Variants in ZNF423 observed in about 807,000 individuals in gnomAD.
ZNF423 encodes the protein zinc finger protein 423.
A neutral mutation model predicts 95.8 loss-of-function variants in ZNF423; 12 were observed. The observed-to-expected ratio is 0.13, with a 90% CI of 0.08 to 0.20. ZNF423 has a LOEUF of 0.20. Ranked by LOEUF, ZNF423 falls within the 10% of genes least tolerant of loss-of-function variation. The probability of loss-of-function intolerance (pLI) is 1.00; values close to 1 mark genes in which losing one functional copy is unlikely to be tolerated. For synonymous variants in ZNF423, 749 were observed against 711.9 expected (o/e 1.05, Z -0.83); for missense variants, 1,316 against 1,737.1 (o/e 0.76, Z 4.31).
At chr16:49,595,541 A>G (rs1167735772) in intron 5 of ZNF423, among the ~76,000 whole-genome samples, 1 of 152,204 alleles carries the variant, frequency 6.6e-6, no homozygotes, top group Non-Finnish European at 1.5e-5. Flanking sequence ...ATTCTATTTT[A>G]AAAAATAAAG....
intron 5 of ZNF423, among the ~76,000 whole-genome samples, chr16:49,526,671 A>G (rs1457563345): frequency 6.6e-6 from 1 of 152,074 alleles, no homozygotes; most frequent in Non-Finnish European, 1.5e-5. Flanking sequence ...GCTTCACATC[A>G]CCTGGGGTTG....
At chr16:49,500,542 G>C (rs1246823140) in intron 7 of ZNF423, among the ~76,000 whole-genome samples, 1 of 152,188 alleles carries the variant, frequency 6.6e-6, no homozygotes, top group Non-Finnish European at 1.5e-5. Context: ...ATCTGATGCT[G>C]CTGGGCCAGG....
At chr16:49,499,840 A>T (rs1037613669) in intron 7 of ZNF423, among the ~76,000 whole-genome samples, 1 of 152,182 alleles carries the variant, frequency 6.6e-6, no homozygotes, top group African/African-American at 2.4e-5. Context: ...AAAACCCACC[A>T]GGGGATAGAT....
At chr16:49,624,242 T>C (rs974501123) in intron 5 of ZNF423, among the ~76,000 whole-genome samples, 10 of 152,120 alleles carry the variant, frequency 6.6e-5, no homozygotes, top group Non-Finnish European at 2.9e-5. Context: ...ATCACATACA[T>C]ATGTTCATCA....
rs1290446039 is a variant in ZNF423, at chr16:49,638,468, C to T, written c.708G>A (p.Lys236=). ...SSKPFKCTVC[K]RGFSSTSSLQ... ...GCGAGCTGGTGGAGGAGAAGCCGCG[C>T]TTGCACACAGTGCACTTGAAGGGCT... Residue 236 remains lysine, a synonymous_variant, in exon 4 of 8, where the codon AAG becomes AAA. Transcript: ENST00000563137. This position sits in a 1 kb window ranked among gnomAD's most constrained non-coding sequence, Gnocchi z 5.6. 6.8e-6 allele frequency: 11 copies of T among 1,613,830 alleles called. No homozygotes were observed. The highest frequency in any genetic ancestry group is 1.6e-4 in the Middle Eastern group (1 of 6,084).
chr16:49,502,749 C>CACACACCACTCTATATGCAT (rs910729682), intron 7 of ZNF423, among the ~76,000 whole-genome samples: 15 of 151,830 alleles, frequency 9.9e-5, no homozygotes, highest in Non-Finnish European at 7.4e-5. Flanking sequence ...TATTACTGTG[C>CACACACCACTCTATATGCAT]ACACACCACT....
chr16:49,690,515 C>T (rs962494625), intron 3 of ZNF423, among the ~76,000 whole-genome samples: 3 of 152,236 alleles, frequency 2.0e-5, no homozygotes. Flanking sequence ...GACCAAAACT[C>T]TATCTCTAAA....
chr16:49,643,261 C>T (rs1973043089), intron 3 of ZNF423, among the ~76,000 whole-genome samples: 1 of 152,118 alleles, frequency 6.6e-6, no homozygotes, highest in Non-Finnish European at 1.5e-5. Context: ...AAGGTGGGTT[C>T]AAGGAAAGTC....
intron 7 of ZNF423, among the ~76,000 whole-genome samples, chr16:49,510,741 G>A (rs1967853812): frequency 1.3e-5 from 2 of 152,236 alleles, no homozygotes; most frequent in South Asian, 4.1e-4. Context: ...GCAAACCTCT[G>A]TGGATGTGGA....
chr16:49,817,836 C>T (rs2034880580), intron 1 of ZNF423, among the ~76,000 whole-genome samples: 1 of 152,072 alleles, frequency 6.6e-6, no homozygotes, highest in Non-Finnish European at 1.5e-5. Flanking sequence ...GTGGTTAGCT[C>T]CATTTTATCA....
chr16:49,648,470 C>T (rs561364096), intron 3 of ZNF423, among the ~76,000 whole-genome samples: 5 of 152,112 alleles, frequency 3.3e-5, no homozygotes, highest in Admixed American at 6.5e-5. Context: ...GGAGAAACCC[C>T]GTCTCTACTA....
chr16:49,756,013 T>C (rs545897962), intron 2 of ZNF423, among the ~76,000 whole-genome samples: 1 of 152,108 alleles, frequency 6.6e-6, no homozygotes, highest in Non-Finnish European at 1.5e-5. Context: ...GAAAGAATGA[T>C]GCAGGGGCCA....
At chr16:49,716,623 C>T (rs2032714995) in intron 3 of ZNF423, among the ~76,000 whole-genome samples, 2 of 152,182 alleles carry the variant, frequency 1.3e-5, no homozygotes, top group African/African-American at 4.8e-5. Context: ...AACACTCAAC[C>T]AATAGTAGCG....
At chr16:49,625,544 G>A (rs952271097) in intron 5 of ZNF423, among the ~76,000 whole-genome samples, 6 of 152,094 alleles carry the variant, frequency 3.9e-5, no homozygotes, top group African/African-American at 1.2e-4. Flanking sequence ...CAGAACATCA[G>A]AACATCCAGC....
At chr16:49,715,710 C>T (rs542447718) in intron 3 of ZNF423, among the ~76,000 whole-genome samples, 3 of 150,086 alleles carry the variant, frequency 2.0e-5, no homozygotes, top group Admixed American at 1.3e-4. Flanking sequence ...GTGCCAGTGC[C>T]CTCCAGCCTG....
At chr16:49,530,249 A>C (rs1968790716) in intron 5 of ZNF423, among the ~76,000 whole-genome samples, 1 of 151,832 alleles carries the variant, frequency 6.6e-6, no homozygotes, top group African/African-American at 2.4e-5. Context: ...AGACCATCCC[A>C]CACTCCTTCC....
At chr16:49,723,885 C>T (rs1342814794) in intron 3 of ZNF423, among the ~76,000 whole-genome samples, 1 of 152,150 alleles carries the variant, frequency 6.6e-6, no homozygotes, top group African/African-American at 2.4e-5. Flanking sequence ...GTATTTGGGT[C>T]CATTTCTGTT....
chr16:49,533,297 A>G (rs1968928470), intron 5 of ZNF423, among the ~76,000 whole-genome samples: 1 of 152,190 alleles, frequency 6.6e-6, no homozygotes, highest in Non-Finnish European at 1.5e-5. Flanking sequence ...ACGAAGGCTA[A>G]GAAAGGAGGA....
At chr16:49,703,692 G>A (rs1174070478) in intron 3 of ZNF423, among the ~76,000 whole-genome samples, 1 of 152,250 alleles carries the variant, frequency 6.6e-6, no homozygotes, top group East Asian at 1.9e-4. Context: ...GCCCAGCAAG[G>A]GTGGATCCGG....
Sources: gnomAD v4.1 joint callset for allele counts (sites outside exome capture counted in the v4.1 genomes callset) on GRCh38, gnomAD v4.1.1 for gene constraint, Gnocchi (gnomAD v3.1) non-coding constraint, MANE v1.5 for transcripts, NCBI Gene and HGNC (gene_info 2026-07-23, HGNC 2026-07-21) for gene names.